Variants in TTC34 observed in about 807,000 individuals in gnomAD.
TTC34 encodes the protein tetratricopeptide repeat protein 34.
TTC34 carries 44 observed loss-of-function variants against 40.7 expected under a neutral mutation model. The observed-to-expected ratio is 1.08, with a 90% CI of 0.85 to 1.39. The LOEUF is 1.39. Among genes scored for constraint, TTC34 ranks in the 40% most tolerant of loss-of-function variants. The pLI is 0.00. For synonymous variants in TTC34, 422 were observed against 398.6 expected (o/e 1.06, Z -0.70); for missense variants, 884 against 838.0 (o/e 1.05, Z -0.68).
In TTC34 at chr1:2,749,443, C is replaced by A. The variant is rs1415346677; in HGVS notation, c.2226+34166G>T. On this transcript the variant is annotated intron_variant, in intron 6 of 8. Transcript: ENST00000401095. ...GTGACAGCCTGGAACAGCACCGACA[C>A]CCCCAGGTGAGCATCTGACGGCCTG... 9.6e-3 allele frequency among the ~76,000 whole-genome samples: 740 copies of A among 76,692 alleles called. 5 individuals are homozygous for A. The highest frequency in any genetic ancestry group is 0.051 in the Middle Eastern group (7 of 136). The allele number at this position is 76,692 out of a possible 152,430, so 50.3% of individuals were successfully genotyped here.
chr1:2,777,892 G>A (rs1344189838), intron 6 of TTC34, among the ~76,000 whole-genome samples: 2 of 152,188 alleles, frequency 1.3e-5, no homozygotes, highest in African/African-American at 4.8e-5. Flanking sequence ...GGAGGTTCCG[G>A]CACCTGTAGG....
intron 2 of TTC34, among the ~76,000 whole-genome samples, chr1:2,795,761 C>T (rs757611892): frequency 8.5e-5 from 13 of 152,188 alleles, no homozygotes; most frequent in Non-Finnish European, 1.3e-4. Flanking sequence ...AAGACAAACA[C>T]GTAGGGAGCC....
intron 6 of TTC34, among the ~76,000 whole-genome samples, chr1:2,768,066 C>G (rs944635458): frequency 1.3e-5 from 2 of 151,588 alleles, no homozygotes; most frequent in South Asian, 2.1e-4. Flanking sequence ...CATTTGCCAG[C>G]CAGGAACGGC....
chr1:2,694,141 A>T (rs1307609322), intron 6 of TTC34, among the ~76,000 whole-genome samples: 26 of 132,826 alleles, frequency 2.0e-4, no homozygotes, highest in African/African-American at 2.3e-4. Flanking sequence ...CTGGAACAGC[A>T]CACACACCCC....
Position 2,644,266 on chromosome 1 carries a change from G to A in TTC34, c.2710C>T (p.Gln904Ter). The A allele has an allele frequency of 6.5e-7, 1 of 1,533,244 alleles. No homozygotes were observed. Among genetic ancestry groups the A allele is most frequent in the Non-Finnish European group, 8.7e-7 (1 of 1,145,506 alleles). 95.0% of individuals were successfully genotyped at this position (1,533,244 alleles called of 1,614,324 possible). Reference sequence around the variant, plus strand: ...GATCTGTGGGGTTCTTTGGGCACCTGGGCAAGGCTCTGCCGCTCCGAGGCC... The same window carrying A: ...GATCTGTGGGGTTCTTTGGGCACCTAGGCAAGGCTCTGCCGCTCCGAGGCC... Residue 904 changes from glutamine to a stop codon, truncating the protein, a stop_gained and splice_region_variant, in exon 8 of 9, where the codon CAG becomes TAG. Transcript: ENST00000401095. LOFTEE classifies it low-confidence loss of function (END_TRUNC).
chr1:2,789,633 G>A (rs1643638830), exon 3 of TTC34: 2 of 1,369,074 alleles, frequency 1.5e-6, no homozygotes, highest in Non-Finnish European at 9.4e-7. Context: ...AGCAGCCCCC[G>A]CTGGTTCCAG....
chr1:2,751,570 C>T (rs1160981535), intron 6 of TTC34, among the ~76,000 whole-genome samples: 6 of 112,984 alleles, frequency 5.3e-5, no homozygotes, highest in South Asian at 3.1e-4. Context: ...ACGCACACCC[C>T]CAGGTGCGCA....
At position 2,796,219 on chromosome 1, in the gene TTC34, GGCATTCTGTCAC is replaced by G. The variant is rs1643709110; in HGVS notation, c.784+3813_784+3824del. Reference sequence around the variant, plus strand: ...ACTCATTATGGATCACCCAGCCCGTGGCATTCTGTCACAGCAGCACAAATGGAGCGACTGGTT... The same window carrying G: ...ACTCATTATGGATCACCCAGCCCGTGAGCAGCACAAATGGAGCGACTGGTT... On this transcript the variant is annotated intron_variant, in intron 2 of 8. Transcript: ENST00000401095. This position sits in a 1 kb window ranked among gnomAD's most constrained non-coding sequence, Gnocchi z 4.5. Among the ~76,000 whole-genome samples the G allele has an allele frequency of 6.6e-6, 1 of 152,132 alleles. No homozygotes were observed.
At chr1:2,776,347 C>T (rs1643159927) in intron 6 of TTC34, 1 of 140,088 alleles carries the variant, frequency 7.1e-6, no homozygotes, top group Non-Finnish European at 1.5e-5. Flanking sequence ...CATCTGGCAG[C>T]CTGGTAAAAC....
At chr1:2,644,384 G>A (rs1638975724) in exon 8 of TTC34, 7 of 1,536,000 alleles carry the variant, frequency 4.6e-6, no homozygotes, top group Non-Finnish European at 6.1e-6. Context: ...CTCCCTTCTT[G>A]AGCTGGAGCA....
At chr1:2,775,620 A>G (rs1469515100) in intron 6 of TTC34, 2 of 148,972 alleles carry the variant, frequency 1.3e-5, no homozygotes, top group Non-Finnish European at 2.9e-5. Flanking sequence ...TGCGTGGAAC[A>G]GCACATCCCC....
At chr1:2,660,792 C>G (rs1331707219) in intron 6 of TTC34, among the ~76,000 whole-genome samples, 3 of 123,262 alleles carry the variant, frequency 2.4e-5, no homozygotes, top group South Asian at 3.0e-4. Flanking sequence ...GCACCCACAC[C>G]CCCAGGTGAG....
chr1:2,759,749 G>T (rs1641632352), intron 6 of TTC34, among the ~76,000 whole-genome samples: 1 of 90,412 alleles, frequency 1.1e-5, no homozygotes, highest in African/African-American at 6.5e-5. Flanking sequence ...TCGTGGAGCA[G>T]CACCCCACAC....
At chr1:2,695,937 T>C (rs557361499) in intron 6 of TTC34, among the ~76,000 whole-genome samples, 1 of 98,652 alleles carries the variant, frequency 1.0e-5, no homozygotes, top group Non-Finnish European at 2.1e-5. Flanking sequence ...CATCTGATGG[T>C]CTGGAGCAGT....
At chr1:2,696,358 C>A (rs1394619349) in intron 6 of TTC34, among the ~76,000 whole-genome samples, 3 of 109,488 alleles carry the variant, frequency 2.7e-5, no homozygotes, top group Non-Finnish European at 6.2e-5. Context: ...GCACCCACAC[C>A]CCCAGGCGAG....
intron 6 of TTC34, among the ~76,000 whole-genome samples, chr1:2,695,021 C>A (rs1036022704): frequency 6.8e-6 from 1 of 147,590 alleles, no homozygotes; most frequent in Non-Finnish European, 1.5e-5. Context: ...CAGCCTGGAA[C>A]AGCACCCTGC....
chr1:2,652,073 AG>A (rs1639155703), intron 6 of TTC34, among the ~76,000 whole-genome samples: 1 of 53,534 alleles, frequency 1.9e-5, no homozygotes, highest in Non-Finnish European at 4.0e-5. Context: ...AGCCTGGAGG[AG>A]CACCCACACC....
At chr1:2,681,974 C>G (rs1640094780) in intron 6 of TTC34, among the ~76,000 whole-genome samples, 1 of 123,304 alleles carries the variant, frequency 8.1e-6, no homozygotes, top group African/African-American at 3.2e-5. Context: ...CGGCCTGGAA[C>G]AGCACCCACA....
At chr1:2,640,230 G>C (rs951224220) in exon 9 of TTC34, 1 of 152,274 alleles carries the variant, frequency 6.6e-6, no homozygotes, top group Non-Finnish European at 1.5e-5. Flanking sequence ...CACCCAGCAT[G>C]TCTCTCGCCC....
Sources: allele counts gnomAD v4.1 joint callset (sites outside exome capture counted in the v4.1 genomes callset), GRCh38; gene constraint gnomAD v4.1.1; non-coding constraint Gnocchi (gnomAD v3.1); transcripts MANE v1.5; gene names NCBI Gene and HGNC (gene_info 2026-07-23, HGNC 2026-07-21).